Variants in INSC observed in about 807,000 individuals in gnomAD.
INSC encodes protein inscuteable homolog.
In INSC, 67 loss-of-function variants were observed where a neutral mutation model predicts 58.6. The observed-to-expected ratio is 1.14, with a 90% confidence interval of 0.94 to 1.40. The LOEUF is 1.40. Among genes scored for constraint, INSC ranks in the 40% most tolerant of loss-of-function variants. The pLI, the probability that INSC is intolerant of heterozygous loss-of-function variation, is 0.00. For synonymous variants in INSC, 262 were observed against 276.1 expected (o/e 0.95, Z 0.51); for missense variants, 714 against 692.0 (o/e 1.03, Z -0.36).
chr11:15,146,370 A>T (rs1161824564), intron 1 of INSC, among the ~76,000 whole-genome samples: 1 of 152,196 alleles, frequency 6.6e-6, no homozygotes, highest in Non-Finnish European at 1.5e-5. Flanking sequence ...AAGGAATCTT[A>T]TCCTTTTGGG....
intron 6 of INSC, among the ~76,000 whole-genome samples, chr11:15,191,955 C>T (rs1850193933): frequency 6.6e-6 from 1 of 152,174 alleles, no homozygotes; most frequent in Admixed American, 6.5e-5. Context: ...TCAGTCTCTG[C>T]CTAAGCTTTC....
rs776330917 is a variant in INSC, at chr11:15,200,812, T to C, written c.694-12T>C. On this transcript the variant is annotated splice_polypyrimidine_tract_variant and intron_variant, in intron 6 of 12. Transcript: ENST00000379556. Reference sequence around the variant, plus strand: ...CACAGTAAGATGATGTGACATTTCTTTCTCTTGGCAGGAGGGTGGGGTCGT... The same window carrying C: ...CACAGTAAGATGATGTGACATTTCTCTCTCTTGGCAGGAGGGTGGGGTCGT... 8.7e-6 allele frequency: 14 copies of C among 1,614,000 alleles called. 1 individual carries two copies. In the South Asian group the frequency reaches 1.5e-4, roughly 18 times the overall value.
intron 6 of INSC, among the ~76,000 whole-genome samples, chr11:15,191,500 A>T (rs1231400165): frequency 1.3e-5 from 2 of 152,184 alleles, no homozygotes; most frequent in Admixed American, 6.5e-5. Flanking sequence ...ACCATCTGGC[A>T]TGTGGCATTT....
downstream of INSC, among the ~76,000 whole-genome samples, chr11:15,251,613 A>C (rs1852650310): frequency 6.6e-6 from 1 of 152,212 alleles, no homozygotes; most frequent in African/African-American, 2.4e-5. Flanking sequence ...ATCTCTCCAA[A>C]GGAGGCATAG....
downstream of INSC, among the ~76,000 whole-genome samples, chr11:15,251,000 A>T (rs1413614687): frequency 6.6e-6 from 1 of 152,224 alleles, no homozygotes; most frequent in Non-Finnish European, 1.5e-5. Context: ...GTTCTAAAGA[A>T]AAAGGCCTGA....
At chr11:15,137,086 G>T (rs935767898) in intron 1 of INSC, among the ~76,000 whole-genome samples, 1 of 152,132 alleles carries the variant, frequency 6.6e-6, no homozygotes, top group Non-Finnish European at 1.5e-5. Flanking sequence ...CTCCATCAGA[G>T]CTTTTGACAA....
intron 1 of INSC, among the ~76,000 whole-genome samples, chr11:15,134,228 T>A (rs1848189182): frequency 6.6e-6 from 1 of 152,230 alleles, no homozygotes. Flanking sequence ...TTTAAGATGC[T>A]ATATATTGTA....
intron 5 of INSC, among the ~76,000 whole-genome samples, chr11:15,183,728 G>T (rs752281353): frequency 6.6e-6 from 1 of 152,130 alleles, no homozygotes; most frequent in Non-Finnish European, 1.5e-5. Flanking sequence ...GACTCTAAAG[G>T]TTAATGACAC....
At chr11:15,133,950 G>C (rs1282620591) in intron 1 of INSC, among the ~76,000 whole-genome samples, 1 of 152,168 alleles carries the variant, frequency 6.6e-6, no homozygotes, top group Admixed American at 6.6e-5. Context: ...ACTTTATAAG[G>C]AGAAGGATTA....
chr11:15,195,074 A>T (rs1422898349), intron 6 of INSC, among the ~76,000 whole-genome samples: 2 of 152,126 alleles, frequency 1.3e-5, no homozygotes, highest in Non-Finnish European at 2.9e-5. Flanking sequence ...AAGAGCTTGT[A>T]GTGGTGTTGG....
chr11:15,175,211 A>T (rs1195313141), intron 2 of INSC, among the ~76,000 whole-genome samples: 1 of 152,218 alleles, frequency 6.6e-6, no homozygotes, highest in Non-Finnish European at 1.5e-5. Flanking sequence ...ACATTATTGT[A>T]ATAATTGTGT....
intron 2 of INSC, among the ~76,000 whole-genome samples, chr11:15,161,867 A>G (rs1183543419): frequency 3.9e-5 from 6 of 152,260 alleles, no homozygotes; most frequent in Non-Finnish European, 2.9e-5. Flanking sequence ...CTTTAGTCAC[A>G]TTTGACTGGG....
At chr11:15,177,501 C>T (rs778791638) in intron 4 of INSC, among the ~76,000 whole-genome samples, 10 of 152,142 alleles carry the variant, frequency 6.6e-5, no homozygotes, top group African/African-American at 2.2e-4. Flanking sequence ...AGGTGAAAGC[C>T]GACACTCACA....
rs1015189434 is a variant in INSC, at chr11:15,216,094, G to A, written c.820-5383G>A. On this transcript the variant is annotated intron_variant, in intron 7 of 12. Transcript: ENST00000379556. ...TCACTGAGGCAACTTGGGTTTGGGT[G>A]CCTTTGTCTGATATGGAGTAAAGCG... Among the ~76,000 whole-genome samples the A allele has an allele frequency of 2.0e-5, 3 of 152,206 alleles. No individual in the cohort carries two copies. The East Asian group carries it at 5.8e-4, about 29-fold the overall frequency.
chr11:15,228,079 AATAAAT>A, intron 9 of INSC, among the ~76,000 whole-genome samples: 1 of 152,374 alleles, frequency 6.6e-6, no homozygotes, highest in South Asian at 2.1e-4. Flanking sequence ...TTAATTAATA[AATAAAT>A]ATAAACTCTT....
chr11:15,135,734 A>G (rs950043393), intron 1 of INSC, among the ~76,000 whole-genome samples: 9 of 152,324 alleles, frequency 5.9e-5, no homozygotes, highest in East Asian at 1.9e-4. Flanking sequence ...TATTCAAAAC[A>G]TGGTTTATTT....
chr11:15,177,159 G>A lies in INSC; in HGVS notation c.451G>A (p.Glu151Lys). ...EKCSELSAVT[E>K]RCLQVENEHV... ...ATGCTCGGAGCTCTCGGCAGTCACA[G>A]AGAGGTAAATTTGGACCATAGATCT... The change falls in exon 4 of 13, where the codon GAG becomes AAG. Residue 151 changes from glutamate (E) to lysine (K), a missense_variant. Physicochemically the swap from Glu to Lys is moderately conservative, Grantham distance 56. Coordinates refer to ENST00000379556, the MANE Select transcript of INSC (RefSeq NM_001042536.3). 1 of 1,613,982 alleles carries A rather than the reference G, an allele frequency of 6.2e-7. No individual in the cohort carries two copies.
intron 8 of INSC, among the ~76,000 whole-genome samples, chr11:15,223,078 T>C (rs1255735495): frequency 6.6e-6 from 1 of 152,140 alleles, no homozygotes; most frequent in Non-Finnish European, 1.5e-5. Flanking sequence ...GGTGTTTGAG[T>C]CTTGTGTCAA....
chr11:15,204,252 C>T (rs927132386), intron 7 of INSC, among the ~76,000 whole-genome samples: 2 of 152,224 alleles, frequency 1.3e-5, no homozygotes, highest in South Asian at 2.1e-4. Context: ...GACTCAGAGA[C>T]GCGAAGCCAC....
Sources: allele counts gnomAD v4.1 joint callset (sites outside exome capture counted in the v4.1 genomes callset), GRCh38; gene constraint gnomAD v4.1.1; transcripts MANE v1.5; gene names NCBI Gene and HGNC (gene_info 2026-07-23, HGNC 2026-07-21).